Variants in ARL8B observed in about 807,000 individuals in gnomAD.
The protein encoded by ARL8B is ARF like GTPase 8B.
In ARL8B, 9 loss-of-function variants were observed where a neutral mutation model predicts 30.6. That is an observed-to-expected ratio of 0.29 (90% CI 0.18 to 0.51). ARL8B has a LOEUF of 0.51. ARL8B is among the 20% of genes least tolerant of loss of function. ARL8B has a pLI of 0.97. For synonymous variants in ARL8B, 74 were observed against 76.0 expected, an observed-to-expected ratio of 0.97 and a Z score of 0.14; for missense variants, 130 against 227.2, an observed-to-expected ratio of 0.57 and a Z score of 2.75.
intron 1 of ARL8B, among the ~76,000 whole-genome samples, chr3:5,135,278 A>G (rs1277384436): frequency 1.3e-5 from 2 of 149,494 alleles, no homozygotes; most frequent in Non-Finnish European, 3.0e-5. Context: ...AATGAAACAC[A>G]TCTGATCTTT....
intron 1 of ARL8B, among the ~76,000 whole-genome samples, chr3:5,165,204 T>C (rs559840014): frequency 6.6e-6 from 1 of 152,138 alleles, no homozygotes; most frequent in Non-Finnish European, 1.5e-5. Context: ...CATCAAAATT[T>C]CCCCCTAGAC....
At chr3:5,146,390 T>C (rs1243209723) in intron 1 of ARL8B, among the ~76,000 whole-genome samples, 3 of 152,188 alleles carry the variant, frequency 2.0e-5, no homozygotes, top group East Asian at 3.8e-4. Context: ...ACTGGGAGAA[T>C]TGGAGTATTG....
intron 1 of ARL8B, among the ~76,000 whole-genome samples, chr3:5,139,806 A>T (rs1378000899): frequency 6.6e-6 from 1 of 152,142 alleles, no homozygotes; most frequent in East Asian, 1.9e-4. Flanking sequence ...TAGTTACTGG[A>T]TGATGTTGGA....
intron 1 of ARL8B, among the ~76,000 whole-genome samples, chr3:5,129,594 G>A (rs116235723): frequency 6.6e-6 from 1 of 152,168 alleles, no homozygotes; most frequent in African/African-American, 2.4e-5. Flanking sequence ...ATGCTGGAGT[G>A]TAGTGGCATG....
At chr3:5,142,133 G>A (rs1248351140) in intron 1 of ARL8B, among the ~76,000 whole-genome samples, 1 of 152,098 alleles carries the variant, frequency 6.6e-6, no homozygotes, top group African/African-American at 2.4e-5. Context: ...CACAAGTCCC[G>A]GTCCAGTTGG....
chr3:5,174,537 G>C, intron 6 of ARL8B, 123 bp downstream of exon 6: 7 of 659,876 alleles, frequency 1.1e-5, no homozygotes, highest in Non-Finnish European at 7.8e-6. Flanking sequence ...TGTTGCTTTT[G>C]CCTGAGAAAA....
intron 1 of ARL8B, among the ~76,000 whole-genome samples, chr3:5,154,444 C>T (rs573909862): frequency 1.3e-5 from 2 of 151,562 alleles, no homozygotes; most frequent in Non-Finnish European, 2.9e-5. Context: ...AAGTGATTCT[C>T]ATGCCTCAGC....
intron 1 of ARL8B, among the ~76,000 whole-genome samples, chr3:5,154,965 C>T (rs1407294768): frequency 6.6e-6 from 1 of 152,170 alleles, no homozygotes; most frequent in South Asian, 2.1e-4. Flanking sequence ...GAACTCCTGA[C>T]CTCAAGTGAT....
At chr3:5,159,665 A>G (rs2106566103) in intron 1 of ARL8B, among the ~76,000 whole-genome samples, 1 of 151,650 alleles carries the variant, frequency 6.6e-6, no homozygotes, top group East Asian at 1.9e-4. Context: ...TGTTACATAC[A>G]TATCTTACTA....
rs1032858502 is a variant in ARL8B at position 5,161,415 on chromosome 3, T to C, written c.124-9088T>C. On this transcript the variant is annotated intron_variant, in intron 1 of 6. Transcript: ENST00000256496. ...AGCCCCACTGACATCAGAGAGGCAATGTTTGAGTGGTTTGCAAAAAACAGC... is the reference window on the plus strand; with the variant it reads ...AGCCCCACTGACATCAGAGAGGCAACGTTTGAGTGGTTTGCAAAAAACAGC... Among the ~76,000 whole-genome samples, 9 of 152,162 alleles carry C rather than the reference T, an allele frequency of 5.9e-5. No individual in the cohort carries two copies. The East Asian group carries it at 1.5e-3, about 26-fold the overall frequency.
At chr3:5,127,717 C>G (rs772080994) in intron 1 of ARL8B, among the ~76,000 whole-genome samples, 7 of 151,754 alleles carry the variant, frequency 4.6e-5, no homozygotes, top group Non-Finnish European at 7.4e-5. Context: ...ACTAAAAATA[C>G]AAATAATTAG....
chr3:5,172,669 C>G lies in ARL8B; in HGVS notation c.301C>G (p.Arg101Gly). Residue 101 changes from arginine (R) to glycine (G), a missense_variant, in exon 4 of 7, where the codon CGT (arginine) becomes GGT (glycine). Coordinates refer to ENST00000256496, the MANE Select transcript of ARL8B (RefSeq NM_018184.3). Reference protein sequence around the residue: ...AIVYMIDAADREKIEASRNEL... With the variant: ...AIVYMIDAADGEKIEASRNEL... ...AAGTTACATGATAGATGCTGCAGAT[C>G]GTGAAAAGATAGAAGCTTCCCGAAA... The G allele has an allele frequency of 1.9e-6, 3 of 1,611,808 alleles. No individual in the cohort carries two copies. Among genetic ancestry groups the G allele is most frequent in the Non-Finnish European group, 1.7e-6 (2 of 1,178,720 alleles).
chr3:5,173,599 G>A (rs2054697969), intron 4 of ARL8B, among the ~76,000 whole-genome samples: 1 of 152,082 alleles, frequency 6.6e-6, no homozygotes, highest in South Asian at 2.1e-4. Context: ...GCGTGGTGGT[G>A]GGCGCCTGTA....
intron 1 of ARL8B, among the ~76,000 whole-genome samples, chr3:5,149,293 G>T (rs146539129): frequency 8.5e-5 from 13 of 152,366 alleles, no homozygotes; most frequent in Admixed American, 8.5e-4. Flanking sequence ...CCTCTGCCGG[G>T]TGCTGGAATA....
At chr3:5,142,232 T>C (rs578104048) in intron 1 of ARL8B, among the ~76,000 whole-genome samples, 2 of 152,292 alleles carry the variant, frequency 1.3e-5, no homozygotes, top group Admixed American at 6.5e-5. Context: ...TGCCATCGCC[T>C]GACTTACCAG....
In ARL8B at chr3:5,180,339, A is replaced by G. The variant is rs1031427105; in HGVS notation, c.*1626A>G. 2.6e-5 allele frequency: 4 copies of G among 152,302 alleles called. No individual in the cohort carries two copies. Among genetic ancestry groups the G allele is most frequent in the Non-Finnish European group, 1.5e-5 (1 of 68,040 alleles). The allele number at this position is 152,302 out of a possible 1,614,324, so 9.4% of individuals were successfully genotyped here. Reference sequence around the variant, plus strand: ...TATTCTTTGAAGCATGTTGCATACTACCCTGGTGGGATGGATGGTTCTGTA... The same window carrying G: ...TATTCTTTGAAGCATGTTGCATACTGCCCTGGTGGGATGGATGGTTCTGTA... On this transcript the variant is annotated 3_prime_UTR_variant, in exon 7 of 7. Coordinates refer to ENST00000256496, the MANE Select transcript of ARL8B (RefSeq NM_018184.3).
intron 1 of ARL8B, among the ~76,000 whole-genome samples, chr3:5,152,080 TC>T (rs2054489785): frequency 6.6e-6 from 1 of 152,206 alleles, no homozygotes; most frequent in African/African-American, 2.4e-5. Flanking sequence ...GAATGTGTAT[TC>T]TTTTTTAATG....
intron 1 of ARL8B, among the ~76,000 whole-genome samples, chr3:5,156,663 G>A (rs1347520150): frequency 6.6e-6 from 1 of 152,064 alleles, no homozygotes; most frequent in Admixed American, 6.5e-5. Context: ...TGATCCACCC[G>A]CCTTGGCCTC....
rs1391178773 is a variant in ARL8B, at chr3:5,158,853, G to T, written c.124-11650G>T. Among the ~76,000 whole-genome samples the T allele has an allele frequency of 2.6e-5, 4 of 151,404 alleles. No homozygotes were observed. In the East Asian group the frequency reaches 7.7e-4, roughly 29 times the overall value. ...TCTTACTTTAATAGGTCTTGATAAA[G>T]ATTAGGCTTTTTAAATTTTAATGAA... is the stretch of plus-strand genomic sequence containing the variant. On this transcript the variant is annotated intron_variant, in intron 1 of 6. Coordinates refer to ENST00000256496, the MANE Select transcript of ARL8B (RefSeq NM_018184.3).
Sources: allele counts gnomAD v4.1 joint callset (sites outside exome capture counted in the v4.1 genomes callset), GRCh38; gene constraint gnomAD v4.1.1; transcripts MANE v1.5; gene names NCBI Gene and HGNC (gene_info 2026-07-23, HGNC 2026-07-21).